The following PRELID2 variants were observed in gnomAD, a reference collection of about 807,000 sequenced individuals.
PRELID2 encodes the protein PRELI domain-containing protein 2.
In PRELID2, 25 loss-of-function variants were observed where a neutral mutation model predicts 28.4. The observed-to-expected ratio is 0.88, with a 90% CI of 0.64 to 1.23. The LOEUF is 1.23. PRELID2 is among the 50% of genes most tolerant of loss of function. The pLI, the probability that PRELID2 is intolerant of heterozygous loss-of-function variation, is 0.00. For synonymous variants in PRELID2, 76 were observed against 71.6 expected, an observed-to-expected ratio of 1.06 and a Z score of -0.31; for missense variants, 201 against 214.4, an observed-to-expected ratio of 0.94 and a Z score of 0.39.
chr5:145,609,498 G>A lies in PRELID2; in HGVS notation n.71-136183C>T, dbSNP rs144158625. ...CCTTAAGCAGGGGCAGCAGTTGGCAGAGAGGCCATATTCTTGCTGGGTCAG... is the reference window on the plus strand; with the variant it reads ...CCTTAAGCAGGGGCAGCAGTTGGCAAAGAGGCCATATTCTTGCTGGGTCAG... On this transcript the variant is annotated intron_variant and non_coding_transcript_variant, in intron 1 of 2. Coordinates refer to the PRELID2 transcript ENST00000510259. 8.5e-5 allele frequency among the ~76,000 whole-genome samples: 13 copies of A among 152,354 alleles called. 1 individual carries two copies. The highest frequency in any genetic ancestry group is 2.9e-4 in the African/African-American group (12 of 41,588).
the PRELID2 span, among the ~76,000 whole-genome samples, chr5:145,266,841 C>A: frequency 1.3e-5 from 2 of 151,976 alleles, no homozygotes; most frequent in African/African-American, 4.8e-5. Context: ...CCATGGAATA[C>A]TACTCAGCCA....
chr5:145,289,570 A>G, the PRELID2 span, among the ~76,000 whole-genome samples: 4 of 152,184 alleles, frequency 2.6e-5, no homozygotes, highest in Non-Finnish European at 4.4e-5. Flanking sequence ...TTGCATGCAG[A>G]CATCTGTGTG....
the PRELID2 span, among the ~76,000 whole-genome samples, chr5:145,457,145 C>G: frequency 6.6e-6 from 1 of 152,050 alleles, no homozygotes; most frequent in East Asian, 1.9e-4. Context: ...TGATTCTTTT[C>G]CTTTTGAGTA....
At chr5:145,489,649 G>A (rs538265449) in intron 1 of PRELID2, among the ~76,000 whole-genome samples, 11 of 152,100 alleles carry the variant, frequency 7.2e-5, no homozygotes, top group Non-Finnish European at 1.5e-4. Flanking sequence ...GCTTAAAAGC[G>A]AGCAGGGATC....
chr5:145,772,859 T>C (rs1469429685), intron 5 of PRELID2, among the ~76,000 whole-genome samples: 2 of 152,246 alleles, frequency 1.3e-5, no homozygotes, highest in South Asian at 2.1e-4. Flanking sequence ...AATCTTAATA[T>C]ATGAATCAAT....
the PRELID2 span, among the ~76,000 whole-genome samples, chr5:145,308,413 T>C: frequency 6.6e-6 from 1 of 152,246 alleles, no homozygotes; most frequent in African/African-American, 2.4e-5. Flanking sequence ...AACACATTTT[T>C]TATTGCCTAT....
At chr5:145,328,956 G>A in the PRELID2 span, among the ~76,000 whole-genome samples, 2 of 152,072 alleles carry the variant, frequency 1.3e-5, no homozygotes, top group African/African-American at 4.8e-5. Flanking sequence ...TTTTGTATAA[G>A]GTGTAAGGAA....
the PRELID2 span, among the ~76,000 whole-genome samples, chr5:145,379,901 C>T: frequency 6.6e-6 from 1 of 152,098 alleles, no homozygotes; most frequent in Non-Finnish European, 1.5e-5. Context: ...CAGGAGAGAC[C>T]AGCAGACCAA....
chr5:145,651,500 C>T (rs990340275), intron 1 of PRELID2, among the ~76,000 whole-genome samples: 2 of 152,178 alleles, frequency 1.3e-5, no homozygotes, highest in Admixed American at 6.5e-5. Context: ...AACTGGGAGG[C>T]ACCCCCAGTA....
intron 1 of PRELID2, among the ~76,000 whole-genome samples, chr5:145,721,834 C>A (rs1183345856): frequency 6.6e-6 from 1 of 151,978 alleles, no homozygotes; most frequent in Non-Finnish European, 1.5e-5. Flanking sequence ...AGAATGCCAA[C>A]CAGAAAAACC....
At chr5:145,385,339 T>C in the PRELID2 span, among the ~76,000 whole-genome samples, 8 of 152,176 alleles carry the variant, frequency 5.3e-5, no homozygotes, top group Admixed American at 4.6e-4. Context: ...CTAGTCTTTA[T>C]CACTGCCCTG....
the PRELID2 span, among the ~76,000 whole-genome samples, chr5:145,263,341 A>G: frequency 6.6e-6 from 1 of 152,118 alleles, no homozygotes. Context: ...TGGACTTAAC[A>G]GATACTTACA....
intron 5 of PRELID2, among the ~76,000 whole-genome samples, chr5:145,790,872 C>G: frequency 7.5e-6 from 1 of 133,112 alleles, no homozygotes; most frequent in Non-Finnish European, 1.6e-5. Context: ...TATAATTAAT[C>G]CAGCAATTTC....
At chr5:145,572,758 T>C (rs967418389) in intron 1 of PRELID2, among the ~76,000 whole-genome samples, 1 of 152,178 alleles carries the variant, frequency 6.6e-6, no homozygotes, top group East Asian at 1.9e-4. Flanking sequence ...TACACATTAG[T>C]GCTGGGCGGA....
At chr5:145,341,743 T>A in the PRELID2 span, among the ~76,000 whole-genome samples, 2 of 150,744 alleles carry the variant, frequency 1.3e-5, no homozygotes, top group African/African-American at 4.9e-5. Flanking sequence ...GAGCAAAGCA[T>A]TTGTAACATT....
the PRELID2 span, among the ~76,000 whole-genome samples, chr5:145,400,494 A>G: frequency 1.3e-5 from 2 of 152,068 alleles, no homozygotes; most frequent in African/African-American, 4.8e-5. Flanking sequence ...GTTAAGTGAG[A>G]GGGGAAAAAA....
rs201738617 is a variant in PRELID2, at chr5:145,659,784, C to T, written n.70+105147G>A. On this transcript the variant is annotated intron_variant and non_coding_transcript_variant, in intron 1 of 2. Transcript: ENST00000510259. ...AGCAATTCAAAGAAAAGGAAAAATA[C>T]ATTTTTACTGTTATGAATAGTGTAA... Among the ~76,000 whole-genome samples, 8 of 152,292 alleles carry T rather than the reference C, an allele frequency of 5.3e-5. No homozygotes were observed. In the East Asian group the frequency reaches 1.4e-3, roughly 26 times the overall value.
At chr5:145,589,007 A>C (rs966839709) in intron 1 of PRELID2, among the ~76,000 whole-genome samples, 22 of 152,180 alleles carry the variant, frequency 1.4e-4, no homozygotes, top group Admixed American at 1.4e-3. Flanking sequence ...GTTTATTACC[A>C]CCTCAACTGT....
At chr5:145,303,300 T>C in the PRELID2 span, among the ~76,000 whole-genome samples, 2 of 152,212 alleles carry the variant, frequency 1.3e-5, no homozygotes, top group African/African-American at 4.8e-5. Context: ...TCAATATGGC[T>C]ACCTTAAGTG....
Sources: gnomAD v4.1 joint callset for allele counts (sites outside exome capture counted in the v4.1 genomes callset) on GRCh38, gnomAD v4.1.1 for gene constraint, MANE v1.5 for transcripts, NCBI Gene and HGNC (gene_info 2026-07-23, HGNC 2026-07-21) for gene names.